BICRAL: variants seen among roughly 807,000 people sequenced by gnomAD.
BICRAL encodes the protein BRD4-interacting chromatin-remodeling complex-associated protein-like.
A neutral mutation model predicts 91.8 loss-of-function variants in BICRAL; 8 were observed. The ratio of observed to expected loss-of-function variants is 0.09; its 90% CI spans 0.05 to 0.16. The LOEUF (loss-of-function observed/expected upper bound fraction) is 0.16. Among genes scored for constraint, BICRAL ranks in the 10% least tolerant of loss-of-function variants. The pLI is 1.00. For synonymous variants in BICRAL, 445 were observed against 491.1 expected, an observed-to-expected ratio of 0.91 and a Z score of 1.24; for missense variants, 1,038 against 1,310.9, an observed-to-expected ratio of 0.79 and a Z score of 3.21.
intron 6 of BICRAL, among the ~76,000 whole-genome samples, chr6:42,834,569 T>C (rs1764588763): frequency 6.6e-6 from 1 of 152,224 alleles, no homozygotes; most frequent in African/African-American, 2.4e-5. Context: ...TTTCCTTTTC[T>C]TCCCTTTACC....
intron 1 of BICRAL, among the ~76,000 whole-genome samples, chr6:42,753,215 C>T (rs1410203230): frequency 2.6e-5 from 4 of 152,140 alleles, no homozygotes; most frequent in African/African-American, 9.7e-5. Context: ...GCATGAGCCA[C>T]CATGCCTGGC....
chr6:42,775,269 G>A (rs1290806171), intron 1 of BICRAL, among the ~76,000 whole-genome samples: 3 of 152,278 alleles, frequency 2.0e-5, no homozygotes, highest in African/African-American at 7.2e-5. Context: ...TTACCTCTTA[G>A]TAGTTTCATT....
At chr6:42,771,574 A>C (rs1762736277) in intron 1 of BICRAL, among the ~76,000 whole-genome samples, 1 of 152,136 alleles carries the variant, frequency 6.6e-6, no homozygotes, top group Non-Finnish European at 1.5e-5. Flanking sequence ...CAAGTATCTA[A>C]GTAAGAGATT....
At chr6:42,769,961 T>C (rs540105834) in intron 1 of BICRAL, among the ~76,000 whole-genome samples, 12 of 152,254 alleles carry the variant, frequency 7.9e-5, no homozygotes, top group Non-Finnish European at 1.5e-4. Flanking sequence ...CTGGTCACAG[T>C]CTCATGACTT....
chr6:42,842,513 C>T (rs1189897413), intron 6 of BICRAL, among the ~76,000 whole-genome samples: 1 of 152,136 alleles, frequency 6.6e-6, no homozygotes, highest in African/African-American at 2.4e-5. Flanking sequence ...GGCTGATCCC[C>T]TGTTTTTCCC....
chr6:42,841,252 G>A (rs1241985243), intron 6 of BICRAL, among the ~76,000 whole-genome samples: 6 of 135,362 alleles, frequency 4.4e-5, no homozygotes, highest in African/African-American at 1.1e-4. Flanking sequence ...GCAGTGGCAC[G>A]ATCTTGGCTC....
intron 6 of BICRAL, among the ~76,000 whole-genome samples, chr6:42,847,621 A>T (rs891660557): frequency 6.6e-6 from 1 of 150,704 alleles, no homozygotes; most frequent in African/African-American, 2.4e-5. Flanking sequence ...CTACAAAAAA[A>T]TTAAAAAATT....
intron 1 of BICRAL, among the ~76,000 whole-genome samples, chr6:42,795,186 C>T (rs1272520631): frequency 1.3e-5 from 2 of 152,136 alleles, no homozygotes; most frequent in Non-Finnish European, 2.9e-5. Context: ...AATCCCAGCA[C>T]TTTGGGAGGC....
intron 1 of BICRAL, among the ~76,000 whole-genome samples, chr6:42,768,098 T>C (rs2113839923): frequency 6.6e-6 from 1 of 152,222 alleles, no homozygotes; most frequent in East Asian, 1.9e-4. Context: ...GGAAGTGCCA[T>C]TGGGAGGCTA....
chr6:42,798,615 A>C (rs1287071113), intron 1 of BICRAL, among the ~76,000 whole-genome samples: 2 of 152,070 alleles, frequency 1.3e-5, no homozygotes, highest in Admixed American at 1.3e-4. Context: ...AGAATTGCTT[A>C]AACCCAGGAG....
intron 6 of BICRAL, among the ~76,000 whole-genome samples, chr6:42,842,777 G>A (rs1368973751): frequency 2.6e-5 from 4 of 151,900 alleles, no homozygotes; most frequent in African/African-American, 9.7e-5. Flanking sequence ...AACAGTATTT[G>A]AGTACCTACC....
chr6:42,844,567 T>C (rs981640823), intron 6 of BICRAL, among the ~76,000 whole-genome samples: 1 of 96,446 alleles, frequency 1.0e-5, no homozygotes, highest in African/African-American at 3.6e-5. Context: ...AGAAAGAAGA[T>C]CCACAGAGTG....
chr6:42,779,049 C>G (rs1445365315), upstream of BICRAL, among the ~76,000 whole-genome samples: 1 of 151,328 alleles, frequency 6.6e-6, no homozygotes, highest in Non-Finnish European at 1.5e-5. Context: ...CTGGACCCGT[C>G]TCTAAAAAAC....
At chr6:42,783,306 C>T (rs1762989814) in intron 1 of BICRAL, among the ~76,000 whole-genome samples, 1 of 152,102 alleles carries the variant, frequency 6.6e-6, no homozygotes, top group Non-Finnish European at 1.5e-5. Flanking sequence ...CCTGCGAGGC[C>T]CGCGCTGTTC....
intron 1 of BICRAL, among the ~76,000 whole-genome samples, chr6:42,765,154 CAG>C (rs1762613676): frequency 6.6e-6 from 1 of 152,156 alleles, no homozygotes; most frequent in African/African-American, 2.4e-5. Flanking sequence ...ATTTGTGCTG[CAG>C]AGACTTTTCC....
At chr6:42,849,406 C>T (rs1773127413) in intron 6 of BICRAL, among the ~76,000 whole-genome samples, 1 of 150,814 alleles carries the variant, frequency 6.6e-6, no homozygotes, top group Non-Finnish European at 1.5e-5. Flanking sequence ...TTTTATATTA[C>T]AAAAGAGAAC....
At chr6:42,760,265 C>T (rs907066715) in intron 1 of BICRAL, among the ~76,000 whole-genome samples, 23 of 141,954 alleles carry the variant, frequency 1.6e-4, no homozygotes, top group African/African-American at 5.5e-4. Flanking sequence ...CATCTCAAAA[C>T]AAAAAAAAAT....
chr6:42,857,960 C>T (rs939562056), intron 10 of BICRAL, among the ~76,000 whole-genome samples: 2 of 150,818 alleles, frequency 1.3e-5, no homozygotes, highest in Non-Finnish European at 2.9e-5. Flanking sequence ...AGGCGCCCAC[C>T]ACCACGGCTG....
At chr6:42,761,973 T>C (rs898381639) in intron 1 of BICRAL, among the ~76,000 whole-genome samples, 1 of 152,112 alleles carries the variant, frequency 6.6e-6, no homozygotes, top group Non-Finnish European at 1.5e-5. Context: ...ATAAAGTGCT[T>C]ACAGTATGGA....
Sources: allele counts gnomAD v4.1 joint callset (sites outside exome capture counted in the v4.1 genomes callset), GRCh38; gene constraint gnomAD v4.1.1; transcripts MANE v1.5; gene names NCBI Gene and HGNC (gene_info 2026-07-23, HGNC 2026-07-21).